Variants in EPHB1 observed in about 807,000 individuals in gnomAD.
EPHB1 encodes the protein ephrin type-B receptor 1.
EPHB1 carries 30 observed loss-of-function variants against 94.4 expected under a neutral mutation model. The observed-to-expected ratio is 0.32, with a 90% CI of 0.24 to 0.43. The LOEUF is 0.43. EPHB1 is among the 20% of genes least tolerant of loss of function. The probability of loss-of-function intolerance (pLI) is 1.00; values close to 1 mark genes in which losing one functional copy is unlikely to be tolerated. For synonymous variants in EPHB1, 522 were observed against 489.1 expected (o/e 1.07, Z -0.89); for missense variants, 1,055 against 1,308.3 (o/e 0.81, Z 2.99).
chr3:135,027,611 T>G (rs1441864649), intron 3 of EPHB1, among the ~76,000 whole-genome samples: 8 of 151,346 alleles, frequency 5.3e-5, no homozygotes, highest in Admixed American at 1.3e-4. Flanking sequence ...GCTGGATTCG[T>G]TTTGCCAGTA....
intron 1 of EPHB1, among the ~76,000 whole-genome samples, chr3:134,868,762 T>G (rs1228886726): frequency 1.3e-5 from 2 of 152,212 alleles, no homozygotes; most frequent in Non-Finnish European, 2.9e-5. Flanking sequence ...GAAAAAAAGC[T>G]GACAAACAGT....
chr3:134,893,101 T>TATC (rs1281012291), intron 1 of EPHB1, among the ~76,000 whole-genome samples: 1 of 152,168 alleles, frequency 6.6e-6, no homozygotes, highest in Admixed American at 6.5e-5. Context: ...TAAGAAGAGA[T>TATC]ATCCCCAGTA....
intron 5 of EPHB1, among the ~76,000 whole-genome samples, chr3:135,146,691 C>T (rs763769506): frequency 2.0e-5 from 3 of 152,246 alleles, no homozygotes; most frequent in Non-Finnish European, 4.4e-5. Flanking sequence ...CCCCTTTCTC[C>T]AAGCCCATTT....
At chr3:134,944,645 G>A (rs972312168) in intron 2 of EPHB1, among the ~76,000 whole-genome samples, 2 of 152,174 alleles carry the variant, frequency 1.3e-5, no homozygotes, top group African/African-American at 4.8e-5. Context: ...CAAATTCTGA[G>A]AAGGCTACTG....
intron 2 of EPHB1, among the ~76,000 whole-genome samples, chr3:134,936,239 T>C (rs2038998265): frequency 6.6e-6 from 1 of 152,164 alleles, no homozygotes. Context: ...GATAAGCACC[T>C]GATAAATCAT....
intron 3 of EPHB1, among the ~76,000 whole-genome samples, chr3:135,001,869 C>T (rs903111802): frequency 2.0e-5 from 3 of 152,198 alleles, no homozygotes; most frequent in Admixed American, 6.5e-5. Flanking sequence ...TTTAACTAGT[C>T]TCCTATTAAT....
Position 135,114,537 on chromosome 3 carries a change from T to TAAAA in EPHB1, c.961+7960_961+7963dup, listed in dbSNP as rs56100882. On this transcript the variant is annotated intron_variant, in intron 4 of 15. Coordinates refer to ENST00000398015, the MANE Select transcript of EPHB1 (RefSeq NM_004441.5). ...CAATATGGTGAAACCCTGTCTCTAC[T>TAAAA]AAAAAAAAAAAAAAAAAAAAAAAAA... Among the ~76,000 whole-genome samples, 193 of 37,158 alleles carry TAAAA rather than the reference T, an allele frequency of 5.2e-3. 20 individuals carry two copies. Among genetic ancestry groups the TAAAA allele is most frequent in the African/African-American group, 0.013 (122 of 9,288 alleles). The allele number at this position is 37,158 out of a possible 152,430, so 24.4% of individuals were successfully genotyped here. A position where few individuals can be genotyped will look rare whatever the true frequency, so the allele number is the denominator to read the frequency against.
At chr3:134,975,197 G>A (rs984016222) in intron 3 of EPHB1, among the ~76,000 whole-genome samples, 28 of 152,230 alleles carry the variant, frequency 1.8e-4, no homozygotes, top group African/African-American at 5.3e-4. Context: ...TTAGGGAGTC[G>A]ATGTTGGAAA....
At chr3:134,970,184 A>G (rs528475861) in intron 3 of EPHB1, among the ~76,000 whole-genome samples, 3 of 152,336 alleles carry the variant, frequency 2.0e-5, no homozygotes, top group African/African-American at 7.2e-5. Context: ...GTCAAGTTCA[A>G]TAATTCTTTG....
At chr3:135,041,350 G>A (rs527812035) in intron 3 of EPHB1, among the ~76,000 whole-genome samples, 1 of 152,254 alleles carries the variant, frequency 6.6e-6, no homozygotes, top group South Asian at 2.1e-4. Context: ...GTGTCTGGGG[G>A]GCCTTCTGTG....
intron 1 of EPHB1, among the ~76,000 whole-genome samples, chr3:134,797,620 G>A (rs375287662): frequency 4.5e-4 from 69 of 152,284 alleles, no homozygotes; most frequent in African/African-American, 1.4e-3. Context: ...TGAGGACGTG[G>A]TCAGTTTCCT....
chr3:135,156,651 A>C (rs1941365778), intron 6 of EPHB1, among the ~76,000 whole-genome samples: 1 of 152,270 alleles, frequency 6.6e-6, no homozygotes, highest in Non-Finnish European at 1.5e-5. Context: ...ATTAAGCGGC[A>C]TTCTATTCTA....
chr3:134,805,484 C>T (rs574493703), intron 1 of EPHB1, among the ~76,000 whole-genome samples: 4 of 152,300 alleles, frequency 2.6e-5, no homozygotes, highest in South Asian at 2.1e-4. Context: ...GGCTCCCTAG[C>T]ACCTTCAGGG....
In EPHB1 at chr3:135,007,291, T is replaced by A. The variant is rs186396220; in HGVS notation, c.805+55239T>A. ...ACACAGCTAATGACAGGAAGTTCAC[T>A]TTTTTTCTGATTGTTGGAAAGATTG... On this transcript the variant is annotated intron_variant, in intron 3 of 15. Transcript: ENST00000398015. 2.2e-3 allele frequency among the ~76,000 whole-genome samples: 339 copies of A among 152,296 alleles called. 1 individual carries two copies. The highest frequency in any genetic ancestry group is 3.7e-3 in the Non-Finnish European group (253 of 68,026).
chr3:135,224,249 T>C (rs1413645699), intron 12 of EPHB1, among the ~76,000 whole-genome samples: 1 of 152,236 alleles, frequency 6.6e-6, no homozygotes, highest in Non-Finnish European at 1.5e-5. Flanking sequence ...TGTTAAGCAA[T>C]GCATGACTGG....
chr3:135,009,120 G>A (rs1174337482), intron 3 of EPHB1, among the ~76,000 whole-genome samples: 1 of 152,166 alleles, frequency 6.6e-6, no homozygotes, highest in Non-Finnish European at 1.5e-5. Flanking sequence ...AGGAGCAGAT[G>A]TGAGGGTAGT....
rs199690280 is a variant in EPHB1 at position 135,094,151 on chromosome 3, T to C, written c.806-12297T>C. On this transcript the variant is annotated intron_variant, in intron 3 of 15. Coordinates refer to ENST00000398015, the MANE Select transcript of EPHB1 (RefSeq NM_004441.5). Reference sequence around the variant, plus strand: ...CATTTGCCTCTCTGGGTCCTACTTCTCCATCAAGCCCTGGGAAAGAGGGCA... The same window carrying C: ...CATTTGCCTCTCTGGGTCCTACTTCCCCATCAAGCCCTGGGAAAGAGGGCA... 2.6e-5 allele frequency among the ~76,000 whole-genome samples: 4 copies of C among 152,338 alleles called. No individual in the cohort carries two copies. In the East Asian group the frequency reaches 7.7e-4, roughly 29 times the overall value.
intron 1 of EPHB1, among the ~76,000 whole-genome samples, chr3:134,829,625 A>G (rs1317837639): frequency 1.3e-5 from 2 of 152,218 alleles, no homozygotes; most frequent in Admixed American, 6.5e-5. Context: ...GTATATTCTT[A>G]TTAAATATTG....
intron 1 of EPHB1, among the ~76,000 whole-genome samples, chr3:134,856,779 T>C (rs1376475105): frequency 6.6e-6 from 1 of 152,264 alleles, no homozygotes; most frequent in East Asian, 1.9e-4. Flanking sequence ...CTGGAATAAG[T>C]AAACTAAATC....
Sources: gnomAD v4.1 joint callset for allele counts (sites outside exome capture counted in the v4.1 genomes callset) on GRCh38, gnomAD v4.1.1 for gene constraint, MANE v1.5 for transcripts, NCBI Gene and HGNC (gene_info 2026-07-23, HGNC 2026-07-21) for gene names.